CELF6: variants seen among roughly 807,000 people sequenced by gnomAD.
CELF6 encodes Bruno -like 6, RNA binding protein.
Under a neutral mutation model 53.1 loss-of-function variants are expected in CELF6, and 32 were observed. That is an observed-to-expected ratio of 0.60 (90% CI 0.46 to 0.81). The LOEUF (loss-of-function observed/expected upper bound fraction) is 0.81, where lower values mean the gene tolerates loss of function less well. CELF6 is among the 30% of genes least tolerant of loss of function. The pLI is 0.00. For missense variants in CELF6, 539 were observed against 669.5 expected, an observed-to-expected ratio of 0.81 and a Z score of 2.15; for synonymous variants, 291 against 288.8, an observed-to-expected ratio of 1.01 and a Z score of -0.08.
At chr15:72,315,666 G>C (rs1270494294) in intron 2 of CELF6, among the ~76,000 whole-genome samples, 179 bp downstream of exon 2, 5 of 152,188 alleles carry the variant, frequency 3.3e-5, no homozygotes, top group Non-Finnish European at 7.3e-5. Flanking sequence ...TTTTGAGCCA[G>C]AAGATTGGAT....
rs964343576 is a variant in CELF6, at chr15:72,289,824, G to A, written c.604-54C>T. The A allele has an allele frequency of 1.8e-5, 27 of 1,468,560 alleles. No homozygotes were observed. In the Admixed American group the frequency reaches 6.1e-4, roughly 33 times the overall value. 91.0% of individuals were successfully genotyped at this position (1,468,560 alleles called of 1,614,324 possible). On this transcript the variant is annotated intron_variant, in intron 5 of 12. Transcript: ENST00000287202. The surrounding 1 kb of genome is among the most constrained non-coding windows in gnomAD (Gnocchi z 7.6). ...CCGGTCCTGACCCTGGCCCCGGCCC[G>A]GGGCCGAGCGCCTTTCCCATCAGGT...
rs2087937914 is a variant in CELF6 at position 72,287,495 on chromosome 15, A to G, written c.1319-103T>C. 3 of 1,279,000 alleles carry G rather than the reference A, an allele frequency of 2.3e-6. No individual in the cohort carries two copies. The South Asian group carries it at 3.9e-5, about 17-fold the overall frequency. The allele number at this position is 1,279,000 out of a possible 1,614,324, so 79.2% of individuals were successfully genotyped here. The stretch of plus-strand genomic sequence containing the variant: ...CTTCCAGCCCCGTCAGGCCAGTTCC[A>G]TCAAACACATACCCCTCCACTGTTT... On this transcript the variant is annotated intron_variant, in intron 11 of 12. Transcript: ENST00000287202.
intron 2 of CELF6, among the ~76,000 whole-genome samples, chr15:72,314,449 G>A (rs893061895): frequency 2.0e-5 from 3 of 152,004 alleles, no homozygotes; most frequent in Non-Finnish European, 4.4e-5. Flanking sequence ...ACAGCCAAGC[G>A]AGCTAGGTGT....
At chr15:72,314,592 T>G (rs1017468536) in intron 2 of CELF6, among the ~76,000 whole-genome samples, 32 of 140,528 alleles carry the variant, frequency 2.3e-4, no homozygotes, top group Admixed American at 2.8e-4. Flanking sequence ...ACCCAGTGTT[T>G]TTTTTTTTTT....
chr15:72,295,467 G>A (rs966851658), intron 3 of CELF6, among the ~76,000 whole-genome samples: 2 of 151,980 alleles, frequency 1.3e-5, no homozygotes, highest in Non-Finnish European at 2.9e-5. Context: ...GGTGGCTCAC[G>A]CTTGTAATCC....
intron 2 of CELF6, among the ~76,000 whole-genome samples, chr15:72,315,072 G>A (rs1320844968): frequency 6.6e-6 from 1 of 152,160 alleles, no homozygotes; most frequent in East Asian, 1.9e-4. Flanking sequence ...TTAAATTTGA[G>A]AGGCCTAGAA....
At chr15:72,297,494 T>C (rs764529866) in intron 3 of CELF6, among the ~76,000 whole-genome samples, 10 of 152,234 alleles carry the variant, frequency 6.6e-5, no homozygotes, top group Non-Finnish European at 1.0e-4. Flanking sequence ...AGGTTGAAGG[T>C]ACCCAAATAT....
At chr15:72,315,786 C>T (rs2088355181) in intron 2 of CELF6, 59 bp downstream of exon 2, 4 of 1,195,902 alleles carry the variant, frequency 3.3e-6, no homozygotes, top group Non-Finnish European at 4.7e-6. Context: ...CTTTGGCATG[C>T]ACACAGGGCA....
In CELF6 at chr15:72,289,097, C is replaced by T. The variant is rs1476706904; in HGVS notation, c.1030+41G>A. The stretch of plus-strand genomic sequence containing the variant: ...CCCTAACCCCCCACCCCCCGCTCCC[C>T]ACTCCATTTCGGGGGGATTTGGGCG... On this transcript the variant is annotated intron_variant, in intron 8 of 12. Transcript: ENST00000287202. This position sits in a 1 kb window ranked among gnomAD's most constrained non-coding sequence, Gnocchi z 7.6. The T allele has an allele frequency of 4.1e-6, 6 of 1,452,578 alleles. No individual in the cohort carries two copies. The highest frequency in any genetic ancestry group is 5.5e-6 in the Non-Finnish European group (6 of 1,091,514). The allele number at this position is 1,452,578 out of a possible 1,614,324, so 90.0% of individuals were successfully genotyped here. A position where few individuals can be genotyped will look rare whatever the true frequency, so the allele number is the denominator to read the frequency against.
rs976153676 is a variant in CELF6, at chr15:72,288,027, G to A, written c.1318+281C>T. Among the ~76,000 whole-genome samples, 2 of 151,996 alleles carry A rather than the reference G, an allele frequency of 1.3e-5. No individual in the cohort carries two copies. Among genetic ancestry groups the A allele is most frequent in the Non-Finnish European group, 2.9e-5 (2 of 67,996 alleles). On this transcript the variant is annotated intron_variant, in intron 11 of 12. Transcript: ENST00000287202. This position sits in a 1 kb window ranked among gnomAD's most constrained non-coding sequence, Gnocchi z 4.6. ...TAATTTTTGTATTTTTAGTGGAGAC[G>A]GGATTTCGCCATGTTGGCCAGGCTA...
Position 72,289,087 on chromosome 15 carries a change from C to T in CELF6, c.1030+51G>A, listed in dbSNP as rs763508044. On this transcript the variant is annotated intron_variant, in intron 8 of 12. Coordinates refer to ENST00000287202, the MANE Select transcript of CELF6 (RefSeq NM_052840.5). The surrounding 1 kb of genome is among the most constrained non-coding windows in gnomAD (Gnocchi z 7.6). ...GGAAGCCAGGCCCTAACCCCCCACC[C>T]CCCGCTCCCCACTCCATTTCGGGGG... is the stretch of plus-strand genomic sequence containing the variant. 15 of 1,417,452 alleles carry T rather than the reference C, an allele frequency of 1.1e-5. No homozygotes were observed. The South Asian group carries it at 1.7e-4, about 16-fold the overall frequency. 87.8% of individuals were successfully genotyped at this position (1,417,452 alleles called of 1,614,324 possible).
intron 2 of CELF6, among the ~76,000 whole-genome samples, chr15:72,307,070 G>A (rs2959928): frequency 0.019 from 2,910 of 152,140 alleles, 104 homozygotes; most frequent in African/African-American, 0.065. Flanking sequence ...CTGGGGTGGG[G>A]GGCAGTGAGG....
At position 72,319,707 on chromosome 15, in the gene CELF6, G is replaced by A; in HGVS notation, c.168C>T (p.Gly56=). ...GCGGCTTGAGGTCCTGCTCGTCCAA[G>A]CCCCGCGGGATCTGCCCCACGAAGA... ...IKLFVGQIPR[G]LDEQDLKPLF... Residue 56 remains glycine, a synonymous_variant, in exon 1 of 13, where the codon GGC becomes GGT. Coordinates refer to ENST00000287202, the MANE Select transcript of CELF6 (RefSeq NM_052840.5). This position sits in a 1 kb window ranked among gnomAD's most constrained non-coding sequence, Gnocchi z 5.0. 6.3e-7 allele frequency: 1 copy of A among 1,596,420 alleles called. No homozygotes were observed. The highest frequency in any genetic ancestry group is 8.5e-7 in the Non-Finnish European group (1 of 1,171,536).
In CELF6 at chr15:72,290,255, T is replaced by C; in HGVS notation, c.395A>G (p.Glu132Gly). ...CATCCCCACAAACAGCTTTCGGTCC[T>C]CTGGGGACAAAGCCAGGAATGACCT... ...VKPAASEGRG[E>G]DRKLFVGMLG... The change falls in exon 4 of 13, where the codon GAG becomes GGG. Residue 132 changes from glutamate (E) to glycine (G), a missense_variant and splice_region_variant. Glu to Gly is a moderately conservative substitution (Grantham distance 98, BLOSUM62 -2). Around this residue, in one of 3 missense-constraint regions of CELF6, gnomAD observed 97 missense variants for 168.8 expected, o/e 0.57. Transcript: ENST00000287202. The C allele has an allele frequency of 1.2e-6, 2 of 1,612,700 alleles. No homozygotes were observed. Among genetic ancestry groups the C allele is most frequent in the Non-Finnish European group, 1.7e-6 (2 of 1,179,504 alleles).
chr15:72,307,161 C>T (rs550041024), intron 2 of CELF6, among the ~76,000 whole-genome samples: 4 of 152,132 alleles, frequency 2.6e-5, no homozygotes, highest in Non-Finnish European at 5.9e-5. Flanking sequence ...GACGAGCACA[C>T]GTGACAGCAG....
At chr15:72,291,127 C>T (rs2088001182) in intron 3 of CELF6, among the ~76,000 whole-genome samples, 1 of 152,196 alleles carries the variant, frequency 6.6e-6, no homozygotes, top group African/African-American at 2.4e-5. Flanking sequence ...TGGATTGCCA[C>T]CAGAGAACCA....
At position 72,285,189 on chromosome 15, in the gene CELF6, A is replaced by G. The variant is rs2087906738; in HGVS notation, c.*1182T>C. 1 of 152,698 alleles carries G rather than the reference A, an allele frequency of 6.5e-6. No individual in the cohort carries two copies. The highest frequency in any genetic ancestry group is 2.4e-5 in the African/African-American group (1 of 41,464). The allele number at this position is 152,698 out of a possible 1,614,324, so 9.5% of individuals were successfully genotyped here. A position where few individuals can be genotyped will look rare whatever the true frequency, so the allele number is the denominator to read the frequency against. On this transcript the variant is annotated 3_prime_UTR_variant, in exon 13 of 13. Transcript: ENST00000287202. Reference sequence around the variant, plus strand: ...CATGTGAGACACTCTTGCATAGGAAAGATGTAGTTTTTAAAGGAATGAAGA... The same window carrying G: ...CATGTGAGACACTCTTGCATAGGAAGGATGTAGTTTTTAAAGGAATGAAGA...
chr15:72,288,410 C>T lies in CELF6; in HGVS notation c.1216G>A (p.Glu406Lys). Reference protein sequence around the residue: ...CNLFIYHLPQEFGDAELIQTF... With the variant: ...CNLFIYHLPQKFGDAELIQTF... ...TGTATGAGTTCCGCATCACCAAACT[C>T]CTGAGGCAGGTGATAGATGAAGAGG... is the stretch of plus-strand genomic sequence containing the variant. The change falls in exon 11 of 13, where the codon GAG becomes AAG. Residue 406 changes from glutamate to lysine, a missense_variant. Physicochemically the swap from Glu to Lys is moderately conservative, Grantham distance 56 (BLOSUM62 1). Transcript: ENST00000287202. This position sits in a 1 kb window ranked among gnomAD's most constrained non-coding sequence, Gnocchi z 4.6. The T allele has an allele frequency of 6.2e-7, 1 of 1,614,202 alleles. No homozygotes were observed. The highest frequency in any genetic ancestry group is 8.5e-7 in the Non-Finnish European group (1 of 1,180,032).
At chr15:72,286,668 C>T (rs972436927) in intron 12 of CELF6, among the ~76,000 whole-genome samples, 1 of 152,234 alleles carries the variant, frequency 6.6e-6, no homozygotes, top group Admixed American at 6.5e-5. Flanking sequence ...GACCCATGAC[C>T]TTGCCAAAAA....
Sources: gnomAD v4.1 joint callset for allele counts (sites outside exome capture counted in the v4.1 genomes callset) on GRCh38, gnomAD v4.1.1 for gene constraint, gnomAD v4.1.1 regional missense constraint, Gnocchi (gnomAD v3.1) non-coding constraint, MANE v1.5 for transcripts, NCBI Gene and HGNC (gene_info 2026-07-23, HGNC 2026-07-21) for gene names.